Variants in CMTM6 observed in about 807,000 individuals in gnomAD.
CMTM6 encodes the protein CKLF like MARVEL transmembrane domain containing 6, also known as CKLF-like MARVEL transmembrane domain-containing protein 6.
Under a neutral mutation model 13.6 loss-of-function variants are expected in CMTM6, and 5 were observed. The observed-to-expected ratio is 0.37, with a 90% CI of 0.19 to 0.77. The LOEUF (loss-of-function observed/expected upper bound fraction) is 0.77, where lower values mean the gene tolerates loss of function less well. Among genes scored for constraint, CMTM6 ranks in the 30% least tolerant of loss-of-function variants. The pLI is 0.50. For missense variants in CMTM6, 196 were observed against 218.6 expected, an observed-to-expected ratio of 0.90 and a Z score of 0.65; for synonymous variants, 99 against 84.5, an observed-to-expected ratio of 1.17 and a Z score of -0.94.
chr3:32,502,566 C>G (rs548662937), intron 1 of CMTM6, 42 bp downstream of exon 1: 11 of 1,563,808 alleles, frequency 7.0e-6, no homozygotes, highest in African/African-American at 1.4e-5. Flanking sequence ...GGCCAGACCC[C>G]GCTCCCCAGC....
intron 1 of CMTM6, among the ~76,000 whole-genome samples, chr3:32,500,218 TA>T (rs1448083977): frequency 4.6e-5 from 7 of 152,250 alleles, no homozygotes; most frequent in Non-Finnish European, 8.8e-5. Context: ...CAATTCTGTT[TA>T]GTTTTTTAAA....
Position 32,491,904 on chromosome 3 carries a change from C to A in CMTM6, c.139-18G>T. Reference sequence around the variant, plus strand: ...GACAGCAACTACAAATGAAGCAAAACATTTTACTTAAGTGTTTTTTCAGAG... The same window carrying A: ...GACAGCAACTACAAATGAAGCAAAAAATTTTACTTAAGTGTTTTTTCAGAG... On this transcript the variant is annotated intron_variant, in intron 1 of 3. Transcript: ENST00000205636. 6.3e-7 allele frequency: 1 copy of A among 1,585,008 alleles called. No homozygotes were observed. Among genetic ancestry groups the A allele is most frequent in the Non-Finnish European group, 8.6e-7 (1 of 1,167,890 alleles).
intron 3 of CMTM6, among the ~76,000 whole-genome samples, chr3:32,486,415 T>TAAC (rs10663325): frequency 6.6e-6 from 1 of 151,826 alleles, no homozygotes; most frequent in Non-Finnish European, 1.5e-5. Context: ...TAAGACTACT[T>TAAC]AGTCTTTTCT....
At chr3:32,495,907 C>G (rs1697285929) in intron 1 of CMTM6, among the ~76,000 whole-genome samples, 2 of 152,138 alleles carry the variant, frequency 1.3e-5, no homozygotes, top group Admixed American at 6.6e-5. Flanking sequence ...GTATGGACAT[C>G]TGGCAGGGCA....
At chr3:32,498,894 T>C (rs1462074938) in intron 1 of CMTM6, among the ~76,000 whole-genome samples, 1 of 152,024 alleles carries the variant, frequency 6.6e-6, no homozygotes, top group Non-Finnish European at 1.5e-5. Flanking sequence ...TCACTACCTT[T>C]TCTGAAATTT....
chr3:32,483,891 G>A lies in CMTM6; in HGVS notation c.*69C>T. On this transcript the variant is annotated 3_prime_UTR_variant, in exon 4 of 4. Coordinates refer to ENST00000205636, the MANE Select transcript of CMTM6 (RefSeq NM_017801.3). Reference sequence around the variant, plus strand: ...TAAACAATTAACAAATTTTACAAGAGCTTCTGCCAGGGCTCAGGCACCACA... The same window carrying A: ...TAAACAATTAACAAATTTTACAAGAACTTCTGCCAGGGCTCAGGCACCACA... 1 of 1,362,954 alleles carries A rather than the reference G, an allele frequency of 7.3e-7. No homozygotes were observed. Among genetic ancestry groups the A allele is most frequent in the Admixed American group, 2.8e-5 (1 of 35,640 alleles). The allele number at this position is 1,362,954 out of a possible 1,614,324, so 84.4% of individuals were successfully genotyped here.
At position 32,482,313 on chromosome 3, in the gene CMTM6, C is replaced by A. The variant is rs1187188204; in HGVS notation, c.*1647G>T. On this transcript the variant is annotated 3_prime_UTR_variant, in exon 4 of 4. Coordinates refer to ENST00000205636, the MANE Select transcript of CMTM6 (RefSeq NM_017801.3). ...GCCATACTGACCAATTTCTGAGAAC[C>A]ACATTAGCCACATTCATGCAATTAA... The A allele has an allele frequency of 6.6e-6, 1 of 151,830 alleles. No individual in the cohort carries two copies. Among genetic ancestry groups the A allele is most frequent in the Non-Finnish European group, 1.5e-5 (1 of 67,988 alleles). The allele number at this position is 151,830 out of a possible 1,614,324, so 9.4% of individuals were successfully genotyped here.
At chr3:32,485,074 A>C (rs982676019) in intron 3 of CMTM6, among the ~76,000 whole-genome samples, 2 of 151,782 alleles carry the variant, frequency 1.3e-5, no homozygotes, top group African/African-American at 2.4e-5. Context: ...TCCCTCTGGA[A>C]TCTTTATTTT....
intron 2 of CMTM6, among the ~76,000 whole-genome samples, chr3:32,489,243 C>T (rs1421050333): frequency 1.5e-5 from 2 of 136,030 alleles, no homozygotes; most frequent in East Asian, 4.2e-4. Flanking sequence ...GCATTCCAGC[C>T]TGGGCGACAG....
rs1454054012 is a variant in CMTM6 at position 32,482,054 on chromosome 3, C to T, written c.*1906G>A. ...CACAATGGTACAGTCTGATGTGAAA[C>T]TTTAGTCTACCTACCATAAACTCGT... On this transcript the variant is annotated 3_prime_UTR_variant, in exon 4 of 4. Coordinates refer to ENST00000205636, the MANE Select transcript of CMTM6 (RefSeq NM_017801.3). 6.6e-6 allele frequency: 1 copy of T among 152,132 alleles called. No homozygotes were observed. Among genetic ancestry groups the T allele is most frequent in the African/African-American group, 2.4e-5 (1 of 41,374 alleles). The allele number at this position is 152,132 out of a possible 1,614,324, so 9.4% of individuals were successfully genotyped here.
In CMTM6 at chr3:32,481,768, A is replaced by G. The variant is rs1697155611; in HGVS notation, c.*2192T>C. 6.6e-6 allele frequency: 1 copy of G among 152,244 alleles called. No individual in the cohort carries two copies. The highest frequency in any genetic ancestry group is 2.4e-5 in the African/African-American group (1 of 41,464). The allele number at this position is 152,244 out of a possible 1,614,324, so 9.4% of individuals were successfully genotyped here. Reference sequence around the variant, plus strand: ...AAAAACAATGTGAAGGAAGGTTCTAAGAGTGACCAAATATACCAGTGAACA... The same window carrying G: ...AAAAACAATGTGAAGGAAGGTTCTAGGAGTGACCAAATATACCAGTGAACA... On this transcript the variant is annotated 3_prime_UTR_variant, in exon 4 of 4. Transcript: ENST00000205636.
chr3:32,492,820 AAGTG>A (rs1283573742), intron 1 of CMTM6, among the ~76,000 whole-genome samples: 2 of 152,228 alleles, frequency 1.3e-5, no homozygotes, highest in Non-Finnish European at 2.9e-5. Context: ...CAATCTGCTG[AAGTG>A]AGTATTTTCT....
At chr3:32,494,879 A>G (rs1406154419) in intron 1 of CMTM6, among the ~76,000 whole-genome samples, 1 of 152,242 alleles carries the variant, frequency 6.6e-6, no homozygotes, top group East Asian at 1.9e-4. Context: ...ACAAAGGGGT[A>G]GCACAGGGAA....
At chr3:32,486,338 A>G (rs1366167790) in intron 3 of CMTM6, among the ~76,000 whole-genome samples, 1 of 152,232 alleles carries the variant, frequency 6.6e-6, no homozygotes, top group South Asian at 2.1e-4. Context: ...AAAGAACTAC[A>G]TTAACTCAAG....
At chr3:32,499,526 C>G (rs1476503826) in intron 1 of CMTM6, among the ~76,000 whole-genome samples, 2 of 152,130 alleles carry the variant, frequency 1.3e-5, no homozygotes, top group African/African-American at 4.8e-5. Context: ...GGTTACCAAA[C>G]GTCAATTCTC....
chr3:32,484,909 C>T (rs567588678), intron 3 of CMTM6, among the ~76,000 whole-genome samples: 3 of 152,060 alleles, frequency 2.0e-5, no homozygotes, highest in Non-Finnish European at 2.9e-5. Flanking sequence ...CTCTCCTCCC[C>T]CCTCTAAAGA....
At chr3:32,499,030 AATG>A (rs1697323472) in intron 1 of CMTM6, among the ~76,000 whole-genome samples, 2 of 152,186 alleles carry the variant, frequency 1.3e-5, no homozygotes, top group Non-Finnish European at 2.9e-5. Context: ...CCATCTACAA[AATG>A]ATATGAATTA....
At position 32,486,811 on chromosome 3, in the gene CMTM6, G is replaced by A. The variant is rs960597270; in HGVS notation, c.414+1127C>T. Among the ~76,000 whole-genome samples, 15 of 152,276 alleles carry A rather than the reference G, an allele frequency of 9.9e-5. 1 individual carries two copies. The South Asian group carries it at 2.7e-3, about 27-fold the overall frequency. On this transcript the variant is annotated intron_variant, in intron 3 of 3. Transcript: ENST00000205636. ...TCATGGGGCAGACTCCCCCTCTGGC[G>A]CTGTTCTTGTAATAGTGAGTTACTG...
chr3:32,491,909 T>C, intron 1 of CMTM6, 23 bp from the exon 2 acceptor site: 2 of 1,571,038 alleles, frequency 1.3e-6, no homozygotes, highest in South Asian at 1.2e-5. Flanking sequence ...CAAAACATTT[T>C]ACTTAAGTGT....
Sources: gnomAD v4.1 joint callset for allele counts (sites outside exome capture counted in the v4.1 genomes callset) on GRCh38, gnomAD v4.1.1 for gene constraint, MANE v1.5 for transcripts, NCBI Gene and HGNC (gene_info 2026-07-23, HGNC 2026-07-21) for gene names.